Variants in KANK1 observed in about 807,000 individuals in gnomAD.
KANK1 encodes KN motif and ankyrin repeat domain-containing protein 1.
In KANK1, 109 loss-of-function variants were observed where a neutral mutation model predicts 106.2. The ratio of observed to expected loss-of-function variants is 1.03; its 90% CI spans 0.88 to 1.20. KANK1 has a LOEUF of 1.20. KANK1 is among the 50% of genes most tolerant of loss of function. KANK1 has a pLI of 0.00. For synonymous variants in KANK1, 873 were observed against 652.2 expected (o/e 1.34, Z -5.16); for missense variants, 2,399 against 1,710.7 (o/e 1.40, Z -7.10).
At chr9:668,893 A>G (rs1311905427) in intron 1 of KANK1, among the ~76,000 whole-genome samples, 1 of 152,068 alleles carries the variant, frequency 6.6e-6, no homozygotes, top group Non-Finnish European at 1.5e-5. Context: ...TCGCACTTGC[A>G]GTTCACAATA....
chr9:554,153 C>T (rs1372341038), intron 1 of KANK1, among the ~76,000 whole-genome samples: 1 of 152,164 alleles, frequency 6.6e-6, no homozygotes, highest in Non-Finnish European at 1.5e-5. Context: ...GGATGTTCCC[C>T]AAGAAGTCTC....
chr9:736,649 A>G (rs998811289), intron 7 of KANK1, among the ~76,000 whole-genome samples: 2 of 152,066 alleles, frequency 1.3e-5, no homozygotes, highest in African/African-American at 4.8e-5. Context: ...GCAGTGCTCC[A>G]TCATCATGCC....
intron 3 of KANK1, among the ~76,000 whole-genome samples, chr9:721,741 A>G (rs2131345921): frequency 6.6e-6 from 1 of 152,260 alleles, no homozygotes; most frequent in African/African-American, 2.4e-5. Flanking sequence ...TAGGACTTTC[A>G]CTTCTTGTGG....
At chr9:519,573 A>G (rs1054852280) in intron 1 of KANK1, among the ~76,000 whole-genome samples, 2 of 151,800 alleles carry the variant, frequency 1.3e-5, no homozygotes, top group African/African-American at 4.9e-5. Context: ...AGAGCCTAAT[A>G]CTGAAAAGCT....
intron 1 of KANK1, among the ~76,000 whole-genome samples, chr9:580,029 G>A (rs942049340): frequency 2.0e-5 from 3 of 152,130 alleles, no homozygotes; most frequent in Admixed American, 1.3e-4. Context: ...AGACCCTTGC[G>A]GTGAGTGTTA....
chr9:498,010 G>T (rs2058485316), intron 3 of KANK1, among the ~76,000 whole-genome samples: 2 of 152,196 alleles, frequency 1.3e-5, no homozygotes, highest in Non-Finnish European at 2.9e-5. Context: ...CTTCCTTGCT[G>T]CCATATACCC....
rs58169581 is a variant in KANK1 at position 740,769 on chromosome 9, CTTTTTTTT to C, written c.3554-12_3554-5del. 289 of 1,503,922 alleles carry C rather than the reference CTTTTTTTT, an allele frequency of 1.9e-4. No homozygotes were observed. The highest frequency in any genetic ancestry group is 1.2e-3 in the South Asian group (100 of 81,124). The allele number at this position is 1,503,922 out of a possible 1,614,324, so 93.2% of individuals were successfully genotyped here. A position where few individuals can be genotyped will look rare whatever the true frequency, so the allele number is the denominator to read the frequency against. On this transcript the variant is annotated splice_polypyrimidine_tract_variant and intron_variant, in intron 8 of 11. Coordinates refer to ENST00000382297, the MANE Select transcript of KANK1 (RefSeq NM_015158.5). ...TTAGAAGGGGCTGCTTCCTAAGAGA[CTTTTTTTT>C]TTTTTTTTTTACAGATGTGTGTAAT...
intron 1 of KANK1, among the ~76,000 whole-genome samples, chr9:562,048 T>C (rs1001112915): frequency 1.1e-4 from 15 of 139,634 alleles, no homozygotes; most frequent in South Asian, 7.5e-4. Flanking sequence ...TTTTCTTTTT[T>C]TTTTTTTTTT....
chr9:551,464 A>G (rs1194203564), intron 1 of KANK1, among the ~76,000 whole-genome samples: 1 of 152,134 alleles, frequency 6.6e-6, no homozygotes, highest in Non-Finnish European at 1.5e-5. Flanking sequence ...AACCAGGAAG[A>G]TGTTGAATTT....
rs751081492 is a variant in KANK1, at chr9:734,874, A to G, written c.3333+39A>G. ...GCAAACACCATCCCCAGTGTGTACA[A>G]AGTGCATGAGTGGGTTCATTGTCAA... On this transcript the variant is annotated intron_variant, in intron 7 of 11. Transcript: ENST00000382297. The G allele has an allele frequency of 7.5e-6, 11 of 1,466,154 alleles. No homozygotes were observed. In the South Asian group the frequency reaches 1.0e-4, roughly 14 times the overall value. The allele number at this position is 1,466,154 out of a possible 1,614,324, so 90.8% of individuals were successfully genotyped here.
In KANK1 at chr9:740,928, T is replaced by C; in HGVS notation, c.3690T>C (p.Ala1230=). Residue 1230 remains alanine, a synonymous_variant, in exon 9 of 12, where the codon GCT becomes GCC. Coordinates refer to ENST00000382297, the MANE Select transcript of KANK1 (RefSeq NM_015158.5). ...LFGCGDVNAK[A]SQAGQTALML... is the part of the protein sequence containing the mutation. Reference sequence around the variant, plus strand: ...GCTGTGGGGATGTGAATGCCAAAGCTAGTCAGGTTAGTGCGCCTGGTTCCT... The same window carrying C: ...GCTGTGGGGATGTGAATGCCAAAGCCAGTCAGGTTAGTGCGCCTGGTTCCT... The C allele has an allele frequency of 1.2e-6, 2 of 1,614,180 alleles. No homozygotes were observed. Among genetic ancestry groups the C allele is most frequent in the Non-Finnish European group, 1.7e-6 (2 of 1,180,024 alleles).
At chr9:737,080 G>A (rs1262353783) in intron 7 of KANK1, among the ~76,000 whole-genome samples, 4 of 152,158 alleles carry the variant, frequency 2.6e-5, no homozygotes, top group African/African-American at 9.7e-5. Context: ...GAAAAGTAGT[G>A]GACGAGTAAA....
At chr9:523,017 C>G (rs1486356945) in intron 1 of KANK1, among the ~76,000 whole-genome samples, 1 of 151,678 alleles carries the variant, frequency 6.6e-6, no homozygotes, top group Non-Finnish European at 1.5e-5. Context: ...TTCTTGATCT[C>G]TTTTCTGTAG....
In KANK1 at chr9:570,100, T is replaced by C. The variant is rs74579491; in HGVS notation, c.-84+65346T>C. Among the ~76,000 whole-genome samples, 172 of 152,328 alleles carry C rather than the reference T, an allele frequency of 1.1e-3. 1 individual carries two copies. Among genetic ancestry groups the C allele is most frequent in the African/African-American group, 4.0e-3 (167 of 41,572 alleles). On this transcript the variant is annotated intron_variant, in intron 1 of 11. Coordinates refer to ENST00000382297, the MANE Select transcript of KANK1 (RefSeq NM_015158.5). ...GGTTTTTTGTTTGTTTAGATGTCTG[T>C]TGTTTCTGTGATGGCTTTGTTTTAA...
chr9:581,761 G>A (rs1822211916), intron 1 of KANK1, among the ~76,000 whole-genome samples: 1 of 152,148 alleles, frequency 6.6e-6, no homozygotes, highest in Non-Finnish European at 1.5e-5. Context: ...ATGTCAGGAA[G>A]GCCTGAGAAG....
intron 1 of KANK1, among the ~76,000 whole-genome samples, chr9:645,439 TAAAAAAAAA>T (rs376740141): frequency 1.4e-5 from 1 of 70,252 alleles, no homozygotes; most frequent in Non-Finnish European, 2.6e-5. Flanking sequence ...GACTGTGTCT[TAAAAAAAAA>T]AAAAAAAAAA....
intron 1 of KANK1, among the ~76,000 whole-genome samples, chr9:529,415 G>C (rs1012330574): frequency 6.6e-6 from 1 of 151,248 alleles, no homozygotes; most frequent in Non-Finnish European, 1.5e-5. Context: ...TGGCCAGGAT[G>C]GTGTTGATCT....
At chr9:528,883 T>C (rs886422264) in intron 1 of KANK1, among the ~76,000 whole-genome samples, 2 of 152,174 alleles carry the variant, frequency 1.3e-5, no homozygotes, top group African/African-American at 4.8e-5. Flanking sequence ...CACTGCAGCC[T>C]TGACCTCCTG....
chr9:736,071 C>T (rs529756389), intron 7 of KANK1, among the ~76,000 whole-genome samples: 13 of 152,250 alleles, frequency 8.5e-5, no homozygotes, highest in African/African-American at 2.9e-4. Context: ...CATTCTCCTG[C>T]CTCACCCTCC....
Sources: gnomAD v4.1 joint callset for allele counts (sites outside exome capture counted in the v4.1 genomes callset) on GRCh38, gnomAD v4.1.1 for gene constraint, MANE v1.5 for transcripts, NCBI Gene and HGNC (gene_info 2026-07-23, HGNC 2026-07-21) for gene names.